The following CDH23 variants were observed in gnomAD, a reference collection of about 807,000 sequenced individuals.
The protein encoded by CDH23 is cadherin related 23, also known as cadherin-23.
In CDH23, 189 loss-of-function variants were observed where a neutral mutation model predicts 317.1. The observed-to-expected ratio is 0.60, with a 90% CI of 0.53 to 0.67. CDH23 has a LOEUF of 0.67. Among genes scored for constraint, CDH23 ranks in the 30% least tolerant of loss-of-function variants. The pLI, the probability that CDH23 is intolerant of heterozygous loss-of-function variation, is 0.00. For synonymous variants in CDH23, 1,839 were observed against 1,876.8 expected (o/e 0.98, Z 0.52); for missense variants, 4,401 against 4,592.4 (o/e 0.96, Z 1.20).
At chr10:71,644,201 C>T (rs1435459194) in intron 12 of CDH23, among the ~76,000 whole-genome samples, 1 of 152,246 alleles carries the variant, frequency 6.6e-6, no homozygotes, top group African/African-American at 2.4e-5. Context: ...TGGGGAGCCA[C>T]TTTGGGCTGG....
intron 12 of CDH23, among the ~76,000 whole-genome samples, chr10:71,644,287 C>G (rs912210601): frequency 2.0e-5 from 3 of 152,272 alleles, no homozygotes; most frequent in Non-Finnish European, 4.4e-5. Context: ...TTCCACCTCT[C>G]CATCCAAACC....
intron 25 of CDH23, 116 bp from the exon 26 acceptor site, chr10:71,706,781 C>T (rs1157386472): frequency 6.8e-6 from 10 of 1,469,982 alleles, no homozygotes; most frequent in Non-Finnish European, 9.1e-6. Flanking sequence ...ACTTGGAGCC[C>T]GTGACTCCCT....
intron 1 of CDH23, among the ~76,000 whole-genome samples, chr10:71,424,797 C>T (rs1006723257): frequency 2.0e-5 from 3 of 152,226 alleles, no homozygotes; most frequent in African/African-American, 7.2e-5. Context: ...CCAGCTGCAC[C>T]ACACTAGGCT....
At position 71,646,479 on chromosome 10, in the gene CDH23, G is replaced by C. The variant is rs748738274; in HGVS notation, c.1311G>C (p.Val437=). 2.1e-5 allele frequency: 34 copies of C among 1,613,756 alleles called. No individual in the cohort carries two copies. The Admixed American group carries it at 5.3e-4, about 25-fold the overall frequency. The change falls in exon 14 of 70, where the codon GTG becomes GTC. Residue 437 remains valine, a synonymous_variant. Coordinates refer to ENST00000224721, the MANE Select transcript of CDH23 (RefSeq NM_022124.6). ...YDFDLFANES[V]PDHVGYAKVK... is the part of the protein sequence containing the mutation. ...CCCAGCTCTTTGCCAATGAGAGTGTGCCTGACCATGTGGGCTATGCCAAGG... is the reference window on the plus strand; with the variant it reads ...CCCAGCTCTTTGCCAATGAGAGTGTCCCTGACCATGTGGGCTATGCCAAGG...
Position 71,690,706 on chromosome 10 carries a change from T to C in CDH23, c.2176+122T>C, listed in dbSNP as rs560279351. ...CCTTTCAGTTTTGAGCAGACCAGCT[T>C]TGAGCACCAGTGTAATCCATGAAAT... is the stretch of plus-strand genomic sequence containing the variant. On this transcript the variant is annotated intron_variant, in intron 20 of 69. Transcript: ENST00000224721. 2,558 of 667,596 alleles carry C rather than the reference T, an allele frequency of 3.8e-3. 19 individuals carry two copies. Among genetic ancestry groups the C allele is most frequent in the Non-Finnish European group, 4.0e-3 (1,456 of 366,864 alleles). The allele number at this position is 667,596 out of a possible 1,614,324, so 41.4% of individuals were successfully genotyped here.
In CDH23 at chr10:71,741,772, T is replaced by C; in HGVS notation, c.4696T>C (p.Tyr1566His). The change falls in exon 38 of 70, where the codon TAC becomes CAC. Residue 1566 changes from tyrosine (Y) to histidine (H), a missense_variant. By Grantham distance (83) the Tyr-to-His change is moderately conservative. This residue lies in a region of CDH23 where 3,068 missense variants were observed against 3,203.3 expected (regional missense o/e 0.96). Coordinates refer to ENST00000224721, the MANE Select transcript of CDH23 (RefSeq NM_022124.6). Reference sequence around the variant, plus strand: ...CGGGATCAACAGTGTTCTGTCCTACTACATCACCGAGGGCAACAAGGACAT... The same window carrying C: ...CGGGATCAACAGTGTTCTGTCCTACCACATCACCGAGGGCAACAAGGACAT... ...DIGINSVLSYYITEGNKDMAF... is the reference protein window; with the variant it reads ...DIGINSVLSYHITEGNKDMAF... 6.2e-7 allele frequency: 1 copy of C among 1,612,784 alleles called. No homozygotes were observed.
chr10:71,405,416 G>C (rs937470320), intron 1 of CDH23, among the ~76,000 whole-genome samples: 17 of 151,394 alleles, frequency 1.1e-4, no homozygotes, highest in African/African-American at 3.9e-4. Flanking sequence ...TAGAGGGTGA[G>C]GCATGGGTAG....
intron 11 of CDH23, among the ~76,000 whole-genome samples, chr10:71,620,350 A>C (rs1333220845): frequency 1.3e-5 from 2 of 152,118 alleles, no homozygotes; most frequent in Admixed American, 1.3e-4. Flanking sequence ...AGCCGTTGTC[A>C]TCATTCAGGA....
intron 1 of CDH23, among the ~76,000 whole-genome samples, chr10:71,421,248 C>T (rs1419122788): frequency 6.6e-5 from 10 of 152,206 alleles, no homozygotes; most frequent in Admixed American, 1.3e-4. Flanking sequence ...CAGCCAGGAG[C>T]GGTTCCACTC....
At chr10:71,551,009 C>T (rs961521055) in intron 6 of CDH23, among the ~76,000 whole-genome samples, 1 of 152,210 alleles carries the variant, frequency 6.6e-6, no homozygotes, top group Non-Finnish European at 1.5e-5. Context: ...TTGCAAGCTA[C>T]AGTACAAACG....
intron 3 of CDH23, among the ~76,000 whole-genome samples, chr10:71,453,030 C>G (rs1451588287): frequency 3.3e-5 from 5 of 152,140 alleles, no homozygotes; most frequent in African/African-American, 1.2e-4. Context: ...CCTGCTGGGT[C>G]CCCTCCCCTT....
At position 71,770,043 on chromosome 10, in the gene CDH23, G is replaced by A. The variant is rs185040842; in HGVS notation, c.4846-7637G>A. Among the ~76,000 whole-genome samples, 26 of 152,316 alleles carry A rather than the reference G, an allele frequency of 1.7e-4. No homozygotes were observed. The East Asian group carries it at 1.9e-3, about 11-fold the overall frequency. On this transcript the variant is annotated intron_variant, in intron 38 of 69. Transcript: ENST00000224721. ...TACAGGGGCTCACAGGTAGCTGGAC[G>A]CAGCCCATGCACCCTTCATACTCCA...
Position 71,697,449 on chromosome 10 carries a change from G to A in CDH23, c.2397+1924G>A, listed in dbSNP as rs137982530. 6.0e-4 allele frequency among the ~76,000 whole-genome samples: 91 copies of A among 152,272 alleles called. 1 individual carries two copies. The highest frequency in any genetic ancestry group is 2.1e-3 in the African/African-American group (87 of 41,556). On this transcript the variant is annotated intron_variant, in intron 22 of 69. Transcript: ENST00000224721. ...TTTGGGAGGCCAAGGCAGGCAGATC[G>A]CTTGAGCCCAGGAGTTTGAGACCAG...
chr10:71,677,811 G>A (rs911519892), intron 16 of CDH23, 118 bp downstream of exon 16: 1 of 805,236 alleles, frequency 1.2e-6, no homozygotes, highest in Admixed American at 2.1e-5. Flanking sequence ...TTTCACCCAG[G>A]CTGGAGTGCA....
chr10:71,600,405 A>G (rs1385462814), intron 9 of CDH23, among the ~76,000 whole-genome samples: 3 of 151,884 alleles, frequency 2.0e-5, no homozygotes, highest in African/African-American at 7.3e-5. Context: ...CTGCATCACA[A>G]TTTCCTTGTG....
At chr10:71,758,939 G>A (rs1840219020) in intron 38 of CDH23, among the ~76,000 whole-genome samples, 1 of 151,754 alleles carries the variant, frequency 6.6e-6, no homozygotes. Context: ...GTGTGATCTC[G>A]GCTCACTGCA....
chr10:71,604,541 C>G (rs1478272581), intron 9 of CDH23, among the ~76,000 whole-genome samples: 2 of 152,330 alleles, frequency 1.3e-5, no homozygotes, highest in East Asian at 3.9e-4. Context: ...CAGAGCCAGA[C>G]AAAAATCCAA....
chr10:71,615,471 C>G, intron 9 of CDH23, 33 bp from the exon 10 acceptor site: 1 of 1,543,452 alleles, frequency 6.5e-7, no homozygotes, highest in African/African-American at 1.4e-5. Flanking sequence ...TGCCCTGTGC[C>G]TGGTCACACC....
intron 14 of CDH23, among the ~76,000 whole-genome samples, chr10:71,659,831 T>G (rs1220076438): frequency 6.6e-6 from 1 of 152,134 alleles, no homozygotes; most frequent in East Asian, 1.9e-4. Context: ...AGGAGGAAGG[T>G]AGTATCAACT....
Sources: allele counts gnomAD v4.1 joint callset (sites outside exome capture counted in the v4.1 genomes callset), GRCh38; gene constraint gnomAD v4.1.1; regional missense constraint gnomAD v4.1.1; transcripts MANE v1.5; gene names NCBI Gene and HGNC (gene_info 2026-07-23, HGNC 2026-07-21).